Variants in CCDC88C observed in about 807,000 individuals in gnomAD.
The protein encoded by CCDC88C is protein Daple.
CCDC88C carries 131 observed loss-of-function variants against 198.8 expected under a neutral mutation model. That is an observed-to-expected ratio of 0.66 (90% confidence interval 0.57 to 0.76). CCDC88C has a LOEUF of 0.76. CCDC88C is among the 30% of genes least tolerant of loss of function. The probability of loss-of-function intolerance (pLI) is 0.00; values close to 1 mark genes in which losing one functional copy is unlikely to be tolerated. For missense variants in CCDC88C, 2,553 were observed against 2,631.6 expected, an observed-to-expected ratio of 0.97 and a Z score of 0.65; for synonymous variants, 1,166 against 1,114.7, an observed-to-expected ratio of 1.05 and a Z score of -0.92.
chr14:91,336,479 G>A (rs1244467905), intron 10 of CCDC88C, among the ~76,000 whole-genome samples: 1 of 152,226 alleles, frequency 6.6e-6, no homozygotes, highest in Admixed American at 6.5e-5. Context: ...TGCTGAGGTG[G>A]TTTGTGCATG....
intron 3 of CCDC88C, among the ~76,000 whole-genome samples, chr14:91,364,310 T>G (rs1172047072): frequency 6.6e-6 from 1 of 152,226 alleles, no homozygotes; most frequent in Non-Finnish European, 1.5e-5. Flanking sequence ...ACTTCTCCTT[T>G]AGGTTTGCTT....
chr14:91,306,141 C>T (rs1891547513), intron 18 of CCDC88C, among the ~76,000 whole-genome samples: 1 of 152,188 alleles, frequency 6.6e-6, no homozygotes, highest in African/African-American at 2.4e-5. Context: ...TGCCTGACAC[C>T]TGCATATGTG....
intron 3 of CCDC88C, among the ~76,000 whole-genome samples, chr14:91,382,928 CTCA>C (rs1394849004): frequency 2.0e-5 from 3 of 152,192 alleles, no homozygotes; most frequent in Admixed American, 6.5e-5. Context: ...GGCTGTGACC[CTCA>C]TCCTACTTAC....
intron 17 of CCDC88C, among the ~76,000 whole-genome samples, chr14:91,307,806 G>A (rs1440243453): frequency 6.6e-6 from 1 of 152,186 alleles, no homozygotes; most frequent in African/African-American, 2.4e-5. Flanking sequence ...ACACGTGGTG[G>A]GCACATGTAT....
rs1891437839 is a variant in CCDC88C at position 91,303,775 on chromosome 14, G to T, written c.3561C>A (p.Ala1187=). ...LHERQSAEYE[A]LIRQHSCLKT... is the part of the protein sequence containing the mutation. ...TTAGGCAGCTGTGCTGGCGGATGAGGGCCTCGTACTCGGCCGATTGCCGCT... is the reference window on the plus strand; with the variant it reads ...TTAGGCAGCTGTGCTGGCGGATGAGTGCCTCGTACTCGGCCGATTGCCGCT... Residue 1187 remains alanine, a synonymous_variant, in exon 20 of 30, where the codon GCC becomes GCA. Transcript: ENST00000389857. 1 of 1,613,286 alleles carries T rather than the reference G, an allele frequency of 6.2e-7. No homozygotes were observed. Among genetic ancestry groups the T allele is most frequent in the Non-Finnish European group, 8.5e-7 (1 of 1,179,836 alleles).
chr14:91,338,867 T>C lies in CCDC88C; in HGVS notation c.810-297A>G, dbSNP rs1893178481. The C allele has an allele frequency of 2.0e-6, 1 of 492,104 alleles. No individual in the cohort carries two copies. The highest frequency in any genetic ancestry group is 3.7e-6 in the Non-Finnish European group (1 of 269,398). 30.5% of individuals were successfully genotyped at this position (492,104 alleles called of 1,614,324 possible). On this transcript the variant is annotated intron_variant, in intron 8 of 29. Coordinates refer to ENST00000389857, the MANE Select transcript of CCDC88C (RefSeq NM_001080414.4). This position sits in a 1 kb window ranked among gnomAD's most constrained non-coding sequence, Gnocchi z 4.8. ...CAGCTGTACCACCCCACAGCCAGGC[T>C]CCACAGGTGACATCCATCAGCTGCA...
intron 29 of CCDC88C, among the ~76,000 whole-genome samples, chr14:91,274,753 A>G (rs966975440): frequency 1.3e-5 from 2 of 152,198 alleles, no homozygotes; most frequent in Admixed American, 6.5e-5. Context: ...CACATGTATA[A>G]TTGCAAAGAA....
At chr14:91,349,871 T>G (rs185876817) in intron 4 of CCDC88C, among the ~76,000 whole-genome samples, 1 of 152,294 alleles carries the variant, frequency 6.6e-6, no homozygotes, top group African/African-American at 2.4e-5. Flanking sequence ...GTTGCACAAT[T>G]AAAATACACC....
chr14:91,300,066 C>T lies in CCDC88C; in HGVS notation c.3640G>A (p.Gly1214Ser), dbSNP rs183646530. ...LEHKELGERHGDMLKRKAELE... is the reference protein window; with the variant it reads ...LEHKELGERHSDMLKRKAELE... ...TCCGCCTTGCGCTTCAGCATGTCACCGTGCCTGTTGGAGGGAAGCACCTGC... is the reference window on the plus strand; with the variant it reads ...TCCGCCTTGCGCTTCAGCATGTCACTGTGCCTGTTGGAGGGAAGCACCTGC... The change falls in exon 21 of 30, where the codon GGT becomes AGT. Residue 1214 changes from glycine (G) to serine (S), a missense_variant. Transcript: ENST00000389857. 1.1e-3 allele frequency: 1,748 copies of T among 1,607,656 alleles called. 3 individuals carry two copies. Among genetic ancestry groups the T allele is most frequent in the East Asian group, 2.5e-3 (112 of 44,688 alleles).
At position 91,273,751 on chromosome 14, in the gene CCDC88C, C is replaced by T; in HGVS notation, c.5059-98G>A. The T allele has an allele frequency of 9.3e-7, 1 of 1,074,636 alleles. No individual in the cohort carries two copies. The highest frequency in any genetic ancestry group is 1.2e-6 in the Non-Finnish European group (1 of 801,200). 66.6% of individuals were successfully genotyped at this position (1,074,636 alleles called of 1,614,324 possible). ...GGACGCCCCCGAGCAGCCCACGTGG[C>T]TGGGACCGCAGTTCCTGCCTGCCTT... On this transcript the variant is annotated intron_variant, in intron 29 of 29. Transcript: ENST00000389857. The surrounding 1 kb of genome is among the most constrained non-coding windows in gnomAD (Gnocchi z 5.6).
intron 3 of CCDC88C, among the ~76,000 whole-genome samples, chr14:91,393,483 C>A (rs912399572): frequency 3.3e-5 from 5 of 152,184 alleles, no homozygotes; most frequent in African/African-American, 1.2e-4. Flanking sequence ...ACCTCAGCCC[C>A]GATCTGGCTT....
chr14:91,351,878 CCCCT>C (rs1893818648), intron 4 of CCDC88C, among the ~76,000 whole-genome samples: 1 of 152,132 alleles, frequency 6.6e-6, no homozygotes, highest in Non-Finnish European at 1.5e-5. Context: ...GAAATATCAG[CCCCT>C]CGGAGCACCC....
chr14:91,289,848 T>A (rs1320134971), intron 24 of CCDC88C, among the ~76,000 whole-genome samples: 1 of 152,110 alleles, frequency 6.6e-6, no homozygotes, highest in African/African-American at 2.4e-5. Context: ...ACCGAGGGCA[T>A]CCTGGTGTGA....
intron 3 of CCDC88C, among the ~76,000 whole-genome samples, chr14:91,387,019 T>C (rs55709253): frequency 0.16 from 25,059 of 152,162 alleles, 2,269 homozygotes; most frequent in Admixed American, 0.21. Context: ...TTATCCTCAG[T>C]CTAATCTAAC....
intron 3 of CCDC88C, among the ~76,000 whole-genome samples, chr14:91,376,425 C>T (rs889352654): frequency 1.3e-5 from 2 of 152,144 alleles, no homozygotes; most frequent in African/African-American, 4.8e-5. Flanking sequence ...GGAGCCAGGG[C>T]GTTATAGTGA....
Position 91,314,151 on chromosome 14 carries a change from C to G in CCDC88C, c.1666-1G>C, listed in dbSNP as rs1250936219. ...CCTTTTCCTGCTCAAGGTCCTTGAT[C>G]TACGGGAAAACACAACAGGCACAAC... On this transcript the variant is annotated splice_acceptor_variant, in intron 14 of 29. Coordinates refer to ENST00000389857, the MANE Select transcript of CCDC88C (RefSeq NM_001080414.4). LOFTEE classifies it high-confidence loss of function. 6.2e-7 allele frequency: 1 copy of G among 1,604,540 alleles called. No individual in the cohort carries two copies. The highest frequency in any genetic ancestry group is 1.7e-5 in the Admixed American group (1 of 59,422).
chr14:91,339,445 A>G lies in CCDC88C; in HGVS notation c.642T>C (p.Thr214=), dbSNP rs1438003254. The change falls in exon 8 of 30, where the codon ACT becomes ACC. Residue 214 remains threonine (T), a synonymous_variant. Coordinates refer to ENST00000389857, the MANE Select transcript of CCDC88C (RefSeq NM_001080414.4). The surrounding 1 kb of genome is among the most constrained non-coding windows in gnomAD (Gnocchi z 5.8). ...DECTELIVDL[T]QERDYLQAQH... is the part of the protein sequence containing the mutation. ...GTGCCTGCAGGTAGTCCCGTTCCTG[A>G]GTGAGGTCCACGATCAGCTGCAGCC... The G allele has an allele frequency of 6.2e-7, 1 of 1,606,392 alleles. No homozygotes were observed. The highest frequency in any genetic ancestry group is 1.1e-5 in the South Asian group (1 of 90,796).
At chr14:91,369,745 C>G (rs998588108) in intron 3 of CCDC88C, among the ~76,000 whole-genome samples, 3 of 152,170 alleles carry the variant, frequency 2.0e-5, no homozygotes, top group Non-Finnish European at 4.4e-5. Context: ...TTTTATGTTA[C>G]GAGGCTGTCA....
rs900300513 is a variant in CCDC88C, at chr14:91,339,568, C to G, written c.625-106G>C. 3 of 1,132,490 alleles carry G rather than the reference C, an allele frequency of 2.6e-6. No homozygotes were observed. The highest frequency in any genetic ancestry group is 3.2e-5 in the South Asian group (2 of 61,986). The allele number at this position is 1,132,490 out of a possible 1,614,324, so 70.2% of individuals were successfully genotyped here. A position where few individuals can be genotyped will look rare whatever the true frequency, so the allele number is the denominator to read the frequency against. ...AACCGCCAAAAGACAGATATTTCAG[C>G]GGAGACTAAGAAACGAGGAGGAAGG... On this transcript the variant is annotated intron_variant, in intron 7 of 29. Transcript: ENST00000389857. This position sits in a 1 kb window ranked among gnomAD's most constrained non-coding sequence, Gnocchi z 5.8.
Sources: gnomAD v4.1 joint callset for allele counts (sites outside exome capture counted in the v4.1 genomes callset) on GRCh38, gnomAD v4.1.1 for gene constraint, Gnocchi (gnomAD v3.1) non-coding constraint, MANE v1.5 for transcripts, NCBI Gene and HGNC (gene_info 2026-07-23, HGNC 2026-07-21) for gene names.